The following KIF21B variants were observed in gnomAD, a reference collection of about 807,000 sequenced individuals.
KIF21B encodes kinesin family member 21B, also known as kinesin-like protein KIF21B.
Under a neutral mutation model 192.9 loss-of-function variants are expected in KIF21B, and 85 were observed. The observed-to-expected ratio is 0.44, with a 90% CI of 0.37 to 0.53. KIF21B has a LOEUF of 0.53. KIF21B is among the 20% of genes least tolerant of loss of function. The probability of loss-of-function intolerance (pLI) is 0.00; values close to 1 mark genes in which losing one functional copy is unlikely to be tolerated. For missense variants in KIF21B, 1,716 were observed against 2,194.8 expected, an observed-to-expected ratio of 0.78 and a Z score of 4.36; for synonymous variants, 832 against 884.6, an observed-to-expected ratio of 0.94 and a Z score of 1.05.
At chr1:200,974,331 C>G in intron 34 of KIF21B, 1 of 1,056,064 alleles carries the variant, frequency 9.5e-7, no homozygotes, top group East Asian at 2.6e-5. Flanking sequence ...CTGGCTGCTC[C>G]CCACACAGGG....
intron 26 of KIF21B, among the ~76,000 whole-genome samples, chr1:200,985,783 C>CCCCCTCCCCT (rs1382642502): frequency 1.9e-4 from 15 of 78,706 alleles, no homozygotes; most frequent in African/African-American, 6.7e-4. Context: ...CCCTCCCCTT[C>CCCCCTCCCCT]CCCCTCCCCT....
In KIF21B at chr1:201,000,971, G is replaced by A. The variant is rs1384535404; in HGVS notation, c.1403-191C>T. ...AAAAATACAAAATTAGCCGGGCGTG[G>A]TGGCGCATGCCTCTAATCCCAGCTA... On this transcript the variant is annotated intron_variant, in intron 9 of 34. Coordinates refer to ENST00000461742, the MANE Select transcript of KIF21B (RefSeq NM_001252102.2). This position sits in a 1 kb window ranked among gnomAD's most constrained non-coding sequence, Gnocchi z 6.0. Among the ~76,000 whole-genome samples, 2 of 152,156 alleles carry A rather than the reference G, an allele frequency of 1.3e-5. No individual in the cohort carries two copies. Among genetic ancestry groups the A allele is most frequent in the African/African-American group, 4.8e-5 (2 of 41,428 alleles).
chr1:200,981,549 T>A (rs946450070), intron 28 of KIF21B, among the ~76,000 whole-genome samples: 5 of 151,654 alleles, frequency 3.3e-5, no homozygotes, highest in Non-Finnish European at 7.4e-5. Flanking sequence ...GAGGGAGGGG[T>A]GCTGAGAGGG....
chr1:200,982,934 A>C lies in KIF21B; in HGVS notation c.3842+122T>G. ...TGGAGAGGGGGGCAGCAGGAAGGGG[A>C]GTGGAGGGGCCGCATGCTGAGGACA... On this transcript the variant is annotated intron_variant, in intron 28 of 34. Coordinates refer to ENST00000461742, the MANE Select transcript of KIF21B (RefSeq NM_001252102.2). The surrounding 1 kb of genome is among the most constrained non-coding windows in gnomAD (Gnocchi z 4.7). 1 of 823,586 alleles carries C rather than the reference A, an allele frequency of 1.2e-6. No individual in the cohort carries two copies. The highest frequency in any genetic ancestry group is 2.0e-6 in the Non-Finnish European group (1 of 500,624). 51.0% of individuals were successfully genotyped at this position (823,586 alleles called of 1,614,324 possible).
At chr1:201,003,266 C>A in intron 8 of KIF21B, 1 of 412,898 alleles carries the variant, frequency 2.4e-6, no homozygotes, top group Non-Finnish European at 4.6e-6. Context: ...ACACATTCAG[C>A]AGATATGAAA....
intron 34 of KIF21B, chr1:200,974,087 G>T: frequency 6.2e-7 from 1 of 1,612,386 alleles, no homozygotes; most frequent in East Asian, 2.2e-5. Context: ...AGGGAGAGTT[G>T]GGGAGGGTCA....
In KIF21B at chr1:200,974,749, G is replaced by A. The variant is rs200931622; in HGVS notation, c.4779C>T (p.Ile1593=). ...TGAAGATATGCTTGGCATTGGTGCA[G>A]ATGGCATTGATGGGACTGTCGTGGC... ...IKGHDSPINA[I]CTNAKHIFTA... is the part of the protein sequence containing the mutation. Residue 1593 remains isoleucine, a synonymous_variant, in exon 34 of 35, where the codon ATC becomes ATT. Transcript: ENST00000461742. The A allele has an allele frequency of 4.8e-5, 78 of 1,614,252 alleles. No individual in the cohort carries two copies. Among genetic ancestry groups the A allele is most frequent in the Non-Finnish European group, 3.4e-6 (4 of 1,180,030 alleles).
At position 201,000,371 on chromosome 1, in the gene KIF21B, G is replaced by A; in HGVS notation, c.1685+19C>T. On this transcript the variant is annotated intron_variant, in intron 11 of 34. Transcript: ENST00000461742. The surrounding 1 kb of genome is among the most constrained non-coding windows in gnomAD (Gnocchi z 6.0). The stretch of plus-strand genomic sequence containing the variant: ...GGCGGTCTGAGGGCTCTCAGGGGCG[G>A]GGACGACACTCCACTCACCTCTTCC... The A allele has an allele frequency of 6.5e-7, 1 of 1,537,904 alleles. No individual in the cohort carries two copies. Among genetic ancestry groups the A allele is most frequent in the Non-Finnish European group, 8.7e-7 (1 of 1,152,872 alleles).
In KIF21B at chr1:200,980,997, C is replaced by T; in HGVS notation, c.3942G>A (p.Leu1314=). The part of the protein sequence containing the change: ...AEGHTKPILC[L]DATDELLFTG... ...TGAATAGCAACTCATCTGTGGCATC[C>T]AGGCAGAGGATGGGCTTGGTGTGGC... The change falls in exon 29 of 35, where the codon CTG becomes CTA. Residue 1314 remains leucine (L), a synonymous_variant. Transcript: ENST00000461742. 2 of 1,611,490 alleles carry T rather than the reference C, an allele frequency of 1.2e-6. No individual in the cohort carries two copies. Among genetic ancestry groups the T allele is most frequent in the South Asian group, 1.1e-5 (1 of 90,484 alleles).
chr1:200,992,381 C>G lies in KIF21B; in HGVS notation c.2286G>C (p.Leu762=), dbSNP rs1656761738. 1 of 1,612,750 alleles carries G rather than the reference C, an allele frequency of 6.2e-7. No homozygotes were observed. The highest frequency in any genetic ancestry group is 8.5e-7 in the Non-Finnish European group (1 of 1,180,048). ...GTTGCTCCTCACGCATCTGCTTCATCAGGGCCACCTGGGATGGGCAGAGAT... is the reference window on the plus strand; with the variant it reads ...GTTGCTCCTCACGCATCTGCTTCATGAGGGCCACCTGGGATGGGCAGAGAT... ...VAEMKKAKVA[L]MKQMREEQQR... Residue 762 remains leucine (L), a synonymous_variant, in exon 16 of 35, where the codon CTG becomes CTC. Transcript: ENST00000461742.
At position 200,996,397 on chromosome 1, in the gene KIF21B, T is replaced by C; in HGVS notation, c.2078-2A>G. 6.2e-7 allele frequency: 1 copy of C among 1,613,634 alleles called. No homozygotes were observed. Among genetic ancestry groups the C allele is most frequent in the Non-Finnish European group, 8.5e-7 (1 of 1,179,756 alleles). ...CCTCAGTATAGCACTCCATGGTGCC[T>C]GAGAGCAAGGAGACGCAGCTGTCGG... On this transcript the variant is annotated splice_acceptor_variant, in intron 14 of 34. Coordinates refer to ENST00000461742, the MANE Select transcript of KIF21B (RefSeq NM_001252102.2). LOFTEE classifies it high-confidence loss of function.
At chr1:201,007,243 CAG>C (rs1424296288) in intron 3 of KIF21B, among the ~76,000 whole-genome samples, 1 of 133,016 alleles carries the variant, frequency 7.5e-6, no homozygotes. Context: ...CACACACACA[CAG>C]AGACAGACAC....
In KIF21B at chr1:200,988,941, G is replaced by C. The variant is rs773483480; in HGVS notation, c.3133-10C>G. 4 of 1,605,228 alleles carry C rather than the reference G, an allele frequency of 2.5e-6. No homozygotes were observed. The highest frequency in any genetic ancestry group is 2.6e-6 in the Non-Finnish European group (3 of 1,175,830). The stretch of plus-strand genomic sequence containing the variant: ...GTGCCACTTGCAGCCCCTGGGGGCA[G>C]GGAACAAAGCCTGGAGTTACCCCTC... On this transcript the variant is annotated splice_polypyrimidine_tract_variant and intron_variant, in intron 21 of 34. Transcript: ENST00000461742.
chr1:201,000,324 G>C lies in KIF21B; in HGVS notation c.1685+66C>G. ...ACACTGGTGGGCAGCAGTCCTCCTT[G>C]GGGACGGGCAGGGTCCACTGGGGCG... On this transcript the variant is annotated intron_variant, in intron 11 of 34. Coordinates refer to ENST00000461742, the MANE Select transcript of KIF21B (RefSeq NM_001252102.2). This position sits in a 1 kb window ranked among gnomAD's most constrained non-coding sequence, Gnocchi z 6.0. 1 of 1,442,290 alleles carries C rather than the reference G, an allele frequency of 6.9e-7. No individual in the cohort carries two copies. The highest frequency in any genetic ancestry group is 9.3e-7 in the Non-Finnish European group (1 of 1,078,338). The allele number at this position is 1,442,290 out of a possible 1,614,324, so 89.3% of individuals were successfully genotyped here. A position where few individuals can be genotyped will look rare whatever the true frequency, so the allele number is the denominator to read the frequency against.
intron 24 of KIF21B, 45 bp downstream of exon 24, chr1:200,988,251 G>A: frequency 6.4e-7 from 1 of 1,560,416 alleles, no homozygotes; most frequent in Non-Finnish European, 8.8e-7. Flanking sequence ...GCTGTGTGGA[G>A]GCTGGCCCTG....
intron 26 of KIF21B, 97 bp from the exon 27 acceptor site, chr1:200,985,069 G>A (rs563354148): frequency 1.4e-5 from 10 of 723,308 alleles, no homozygotes; most frequent in East Asian, 6.1e-5. Flanking sequence ...TGTGAGGCCC[G>A]CAGGACAGGG....
intron 1 of KIF21B, among the ~76,000 whole-genome samples, chr1:201,022,213 CTGACTCTGT>C (rs1658878467): frequency 6.6e-6 from 1 of 152,110 alleles, no homozygotes; most frequent in African/African-American, 2.4e-5. Context: ...ATTGCCATCT[CTGACTCTGT>C]CTAGGAGCAA....
At chr1:201,020,057 C>G (rs1393369979) in intron 1 of KIF21B, among the ~76,000 whole-genome samples, 2 of 152,074 alleles carry the variant, frequency 1.3e-5, no homozygotes, top group African/African-American at 4.8e-5. Flanking sequence ...CTACCTATCC[C>G]CTACTTAACC....
Position 200,990,279 on chromosome 1 carries a change from C to A in KIF21B, c.2889G>T (p.Arg963=), listed in dbSNP as rs776384680. 5 of 1,613,732 alleles carry A rather than the reference C, an allele frequency of 3.1e-6. No homozygotes were observed. Among genetic ancestry groups the A allele is most frequent in the Non-Finnish European group, 4.2e-6 (5 of 1,179,938 alleles). The part of the protein sequence containing the change: ...LQEALRRKRE[R]LQAESPEEEK... ...CTTCCTCGGGGCTCTCAGCCTGCAG[C>A]CGCTCCCGCTTCCTCCGCAGTGCCT... The change falls in exon 20 of 35, where the codon CGG becomes CGT. Residue 963 remains arginine, a synonymous_variant. Coordinates refer to ENST00000461742, the MANE Select transcript of KIF21B (RefSeq NM_001252102.2). The surrounding 1 kb of genome is among the most constrained non-coding windows in gnomAD (Gnocchi z 5.4).
Sources: allele counts gnomAD v4.1 joint callset (sites outside exome capture counted in the v4.1 genomes callset), GRCh38; gene constraint gnomAD v4.1.1; non-coding constraint Gnocchi (gnomAD v3.1); transcripts MANE v1.5; gene names NCBI Gene and HGNC (gene_info 2026-07-23, HGNC 2026-07-21).